Variants in VPS11 observed in about 807,000 individuals in gnomAD.
The protein encoded by VPS11 is vacuolar protein sorting-associated protein 11 homolog.
VPS11 carries 51 observed loss-of-function variants against 106.8 expected under a neutral mutation model. The observed-to-expected ratio is 0.48, with a 90% CI of 0.38 to 0.60. The LOEUF (loss-of-function observed/expected upper bound fraction) is 0.60, where lower values mean the gene tolerates loss of function less well. VPS11 is among the 20% of genes least tolerant of loss of function. The pLI is 0.00. For synonymous variants in VPS11, 453 were observed against 458.7 expected (o/e 0.99, Z 0.16); for missense variants, 950 against 1,190.0 (o/e 0.80, Z 2.97).
intron 7 of VPS11, among the ~76,000 whole-genome samples, chr11:119,074,506 CA>C (rs1945523942): frequency 6.6e-6 from 1 of 151,614 alleles, no homozygotes; most frequent in Admixed American, 6.6e-5. Flanking sequence ...CGGGTTCAAG[CA>C]ATTCTCCTGT....
chr11:119,073,092 G>A (rs1945460497), intron 5 of VPS11, 106 bp from the exon 6 acceptor site: 1 of 1,295,262 alleles, frequency 7.7e-7, no homozygotes, highest in Non-Finnish European at 1.1e-6. Context: ...GACCAGAGAG[G>A]TGATTTGTGC....
At chr11:119,075,809 G>A (rs1471396769) in intron 7 of VPS11, among the ~76,000 whole-genome samples, 1 of 152,126 alleles carries the variant, frequency 6.6e-6, no homozygotes, top group African/African-American at 2.4e-5. Context: ...AGCTGAGGCA[G>A]GAGATTCACT....
intron 8 of VPS11, 55 bp from the exon 9 acceptor site, chr11:119,077,446 C>T (rs1413772344): frequency 3.2e-6 from 5 of 1,577,474 alleles, no homozygotes; most frequent in Admixed American, 1.8e-5. Context: ...CCTGTTTCCT[C>T]TCCCTTCTCT....
At chr11:119,080,411 C>G (rs991189148) in intron 14 of VPS11, among the ~76,000 whole-genome samples, 8 of 151,282 alleles carry the variant, frequency 5.3e-5, no homozygotes, top group Admixed American at 2.6e-4. Context: ...TCTTGTCCCC[C>G]ACGCTGGAGT....
chr11:119,068,297 A>C, intron 1 of VPS11: 1 of 403,368 alleles, frequency 2.5e-6, no homozygotes. Flanking sequence ...CAATAAGAAA[A>C]AGAATGCAAG....
intron 1 of VPS11, among the ~76,000 whole-genome samples, chr11:119,068,816 A>G (rs1259313651): frequency 6.6e-6 from 1 of 151,470 alleles, no homozygotes; most frequent in African/African-American, 2.4e-5. Context: ...CAATGGCATG[A>G]TCTGGGCACA....
chr11:119,069,390 G>T, intron 2 of VPS11, 46 bp downstream of exon 2: 5 of 1,613,800 alleles, frequency 3.1e-6, no homozygotes, highest in Non-Finnish European at 4.2e-6. Flanking sequence ...GCCTAGGAAT[G>T]ATTTTTTGTT....
rs1477235091 is a variant in VPS11, at chr11:119,077,341, G to T, written c.1426-160G>T. Among the ~76,000 whole-genome samples the T allele has an allele frequency of 3.3e-5, 5 of 152,184 alleles. No homozygotes were observed. The South Asian group carries it at 1.0e-3, about 32-fold the overall frequency. On this transcript the variant is annotated intron_variant, in intron 8 of 15. Transcript: ENST00000621676. ...TGTCCCTCTAATGGTAGGGGCAGAG[G>T]AAAACTTTAGTCAGAAACTCCCACA...
chr11:119,080,748 G>T (rs782242380), intron 14 of VPS11, among the ~76,000 whole-genome samples: 1 of 152,224 alleles, frequency 6.6e-6, no homozygotes, highest in South Asian at 2.1e-4. Context: ...AGTGGGAGAA[G>T]TGTGTTAACA....
Position 119,081,578 on chromosome 11 carries a change from T to C in VPS11, c.2781T>C (p.Ala927=). Residue 927 remains alanine, a synonymous_variant, in exon 16 of 16, where the codon GCT becomes GCC. Transcript: ENST00000621676. The part of the protein sequence containing the change: ...PTARLTSSLE[A]GLQRDLLMHS... ...CCAGACTGACCTCCAGCCTGGAGGCTGGGCTGCAACGCGACCTACTCATGC... is the reference window on the plus strand; with the variant it reads ...CCAGACTGACCTCCAGCCTGGAGGCCGGGCTGCAACGCGACCTACTCATGC... 1.2e-6 allele frequency: 2 copies of C among 1,613,980 alleles called. No individual in the cohort carries two copies. Among genetic ancestry groups the C allele is most frequent in the Non-Finnish European group, 1.7e-6 (2 of 1,179,876 alleles).
At chr11:119,071,960 T>G in intron 5 of VPS11, 117 bp downstream of exon 5, 1 of 1,370,350 alleles carries the variant, frequency 7.3e-7, no homozygotes, top group African/African-American at 1.5e-5. Flanking sequence ...TCCGGTGTTA[T>G]GTAGGTAACA....
At chr11:119,078,143 A>G in intron 10 of VPS11, 30 bp from the exon 11 acceptor site, 1 of 1,611,164 alleles carries the variant, frequency 6.2e-7, no homozygotes, top group Non-Finnish European at 8.5e-7. Flanking sequence ...CCACTCATTC[A>G]GCCTCCTTTT....
intron 5 of VPS11, 131 bp downstream of exon 5, chr11:119,071,974 C>CTT: frequency 3.1e-6 from 4 of 1,276,540 alleles, no homozygotes; most frequent in South Asian, 1.5e-5. Flanking sequence ...GGTAACATTT[C>CTT]TGTTTTTTTT....
At chr11:119,078,443 C>T (rs1945719758) in intron 11 of VPS11, 109 bp downstream of exon 11, 9 of 1,567,586 alleles carry the variant, frequency 5.7e-6, no homozygotes, top group East Asian at 4.5e-5. Context: ...CACCTTACCT[C>T]GGGGCTCAAT....
At chr11:119,073,714 T>G in intron 6 of VPS11, 86 bp from the exon 7 acceptor site, 2 of 1,448,692 alleles carry the variant, frequency 1.4e-6, no homozygotes, top group Non-Finnish European at 1.9e-6. Context: ...TCCAGGACTT[T>G]CTGTTTTGTG....
rs1780739050 is a variant in VPS11, at chr11:119,077,004, C to T, written c.1346C>T (p.Ala449Val). Reference protein sequence around the residue: ...YLQTLHRQSLANADHTTLLLN... With the variant: ...YLQTLHRQSLVNADHTTLLLN... Reference sequence around the variant, plus strand: ...CAGACCCTGCACCGACAATCCCTGGCCAATGCCGACCATACCACCCTGCTC... The same window carrying T: ...CAGACCCTGCACCGACAATCCCTGGTCAATGCCGACCATACCACCCTGCTC... The change falls in exon 8 of 16, where the codon GCC (alanine) becomes GTC (valine). Residue 449 changes from alanine (A) to valine (V), a missense_variant. Ala to Val is a moderately conservative substitution (Grantham distance 64). Around this residue, in one of 3 missense-constraint regions of VPS11, gnomAD observed 435 missense variants for 630.2 expected, o/e 0.69. Transcript: ENST00000621676. 1 of 1,613,912 alleles carries T rather than the reference C, an allele frequency of 6.2e-7. No homozygotes were observed. Among genetic ancestry groups the T allele is most frequent in the Non-Finnish European group, 8.5e-7 (1 of 1,179,874 alleles).
In VPS11 at chr11:119,069,324, G is replaced by T; in HGVS notation, c.316G>T (p.Glu106Ter). 1.2e-6 allele frequency: 2 copies of T among 1,614,028 alleles called. No individual in the cohort carries two copies. Among genetic ancestry groups the T allele is most frequent in the Non-Finnish European group, 1.7e-6 (2 of 1,179,904 alleles). Residue 106 changes from glutamate (E) to a stop codon, truncating the protein, a stop_gained, in exon 2 of 16, where the codon GAA becomes TAA. Transcript: ENST00000621676. LOFTEE classifies it high-confidence loss of function. ...TATTCTGGCATCTGTTGGAGAAGAT[G>T]AAGAGGGCATCAACCCCTTGGTGAG... is the stretch of plus-strand genomic sequence containing the variant. Reference protein sequence around the residue: ...HNILASVGEDEEGINPLVKIW... With the variant: ...HNILASVGED
chr11:119,068,890 T>C (rs1945238751), intron 1 of VPS11, among the ~76,000 whole-genome samples: 1 of 150,390 alleles, frequency 6.6e-6, no homozygotes, highest in South Asian at 2.1e-4. Flanking sequence ...TAGCTGAAAT[T>C]ACAGGCACGC....
intron 7 of VPS11, among the ~76,000 whole-genome samples, chr11:119,074,925 T>A (rs1283797553): frequency 1.3e-5 from 2 of 152,174 alleles, no homozygotes; most frequent in Non-Finnish European, 2.9e-5. Flanking sequence ...ATTCCTTCCA[T>A]CAGTACTAAT....
Sources: allele counts gnomAD v4.1 joint callset (sites outside exome capture counted in the v4.1 genomes callset), GRCh38; gene constraint gnomAD v4.1.1; regional missense constraint gnomAD v4.1.1; transcripts MANE v1.5; gene names NCBI Gene and HGNC (gene_info 2026-07-23, HGNC 2026-07-21).